DCX: variants seen among roughly 807,000 people sequenced by gnomAD.
DCX encodes neuronal migration protein doublecortin.
Under a neutral mutation model 20.9 loss-of-function variants are expected in DCX, and 4 were observed. The ratio of observed to expected loss-of-function variants is 0.19; its 90% CI spans 0.09 to 0.44. The LOEUF (loss-of-function observed/expected upper bound fraction) is 0.44, where lower values mean the gene tolerates loss of function less well. DCX is among the 20% of genes least tolerant of loss of function. The pLI is 0.99. For missense variants in DCX, 133 were observed against 296.9 expected (o/e 0.45, Z 4.06); for synonymous variants, 103 against 111.4 (o/e 0.92, Z 0.47).
intron 3 of DCX, among the ~76,000 whole-genome samples, chrX:111,334,415 A>G (rs1040812922): frequency 5.4e-5 from 6 of 111,632 alleles, no homozygotes; most frequent in Admixed American, 2.9e-4. Flanking sequence ...TCTTCGGCCC[A>G]CTTGTCCTTC....
At chrX:111,340,549 C>A (rs1332006485) in intron 3 of DCX, among the ~76,000 whole-genome samples, 1 of 111,606 alleles carries the variant, frequency 9.0e-6, no homozygotes, top group Non-Finnish European at 1.9e-5. Context: ...GGGTCCTGTT[C>A]CCCATGCCAC....
At position 111,333,058 on chromosome X, in the gene DCX, A is replaced by T; in HGVS notation, c.801T>A (p.Asp267Glu). The T allele has an allele frequency of 8.3e-7, 1 of 1,201,751 alleles. No homozygotes were observed. Among genetic ancestry groups the T allele is most frequent in the Non-Finnish European group, 1.1e-6 (1 of 886,448 alleles). ...FRYAQDDFSL[D>E]ENECRVMKGN... ...CCCAGTGGTTATGCTTACCATTTTC[A>T]TCCAGAGAAAAATCATCCTGAGCAT... is the stretch of plus-strand genomic sequence containing the variant. The change falls in exon 4 of 7, where the codon GAT (aspartate) becomes GAA (glutamate). Residue 267 changes from aspartate to glutamate, a missense_variant. Physicochemically the swap from Asp to Glu is conservative, Grantham distance 45. Around this residue, in one of 2 missense-constraint regions of DCX, gnomAD observed 68 missense variants for 84.3 expected, o/e 0.81. Coordinates refer to ENST00000636035, the MANE Select transcript of DCX (RefSeq NM_001195553.2).
intron 3 of DCX, among the ~76,000 whole-genome samples, chrX:111,384,648 T>C (rs924653493): frequency 8.9e-6 from 1 of 111,962 alleles, no homozygotes; most frequent in Admixed American, 9.5e-5. Flanking sequence ...CAGCTATTAA[T>C]GGAACCTACT....
intron 3 of DCX, among the ~76,000 whole-genome samples, chrX:111,385,771 A>AGGAGGGAG (rs1238643653): frequency 1.3e-5 from 1 of 77,753 alleles, no homozygotes; most frequent in African/African-American, 4.8e-5. Flanking sequence ...GAGGGAGGGA[A>AGGAGGGAG]GGAGGGAGGG....
At chrX:111,316,086 T>TAAAAA (rs754058802) in intron 5 of DCX, among the ~76,000 whole-genome samples, 29 of 50,626 alleles carry the variant, frequency 5.7e-4, no homozygotes, top group African/African-American at 1.1e-3. Flanking sequence ...TAATAAAAAA[T>TAAAAA]AAAAAAAAAA....
intron 3 of DCX, 88 bp from the exon 4 acceptor site, chrX:111,333,241 T>A (rs1921426669): frequency 2.9e-6 from 2 of 691,862 alleles, no homozygotes; most frequent in Non-Finnish European, 4.6e-6. Flanking sequence ...AAGCTTCCCA[T>A]CTAGGCCATC....
chrX:111,397,112 T>G (rs1219502476), intron 3 of DCX, among the ~76,000 whole-genome samples: 1 of 111,617 alleles, frequency 9.0e-6, no homozygotes, highest in East Asian at 2.8e-4. Flanking sequence ...TGTGAGCCAA[T>G]CAGTCAAATG....
chrX:111,308,966 C>CT (rs2095051634), intron 6 of DCX, among the ~76,000 whole-genome samples: 1 of 109,885 alleles, frequency 9.1e-6, no homozygotes, highest in African/African-American at 3.3e-5. Flanking sequence ...CTCTGTACCT[C>CT]TTTTTTTCTC....
chrX:111,319,925 T>C (rs1404264911), intron 5 of DCX, among the ~76,000 whole-genome samples: 3 of 112,420 alleles, frequency 2.7e-5, no homozygotes, highest in Non-Finnish European at 5.6e-5. Context: ...CGTTTATATA[T>C]GTTCCCAATT....
chrX:111,404,061 A>AAATAAAAT (rs1266517883), intron 2 of DCX, among the ~76,000 whole-genome samples: 2 of 105,113 alleles, frequency 1.9e-5, no homozygotes, highest in African/African-American at 6.9e-5. Context: ...AAATAAAATA[A>AAATAAAAT]AATAAAATAA....
intron 3 of DCX, among the ~76,000 whole-genome samples, chrX:111,374,460 G>C (rs1452267284): frequency 1.8e-5 from 2 of 111,409 alleles, no homozygotes; most frequent in African/African-American, 6.5e-5. Flanking sequence ...TTGTAAAATT[G>C]TATACTCACA....
intron 3 of DCX, among the ~76,000 whole-genome samples, chrX:111,390,788 C>T (rs1188733327): frequency 9.1e-6 from 1 of 110,459 alleles, no homozygotes; most frequent in Non-Finnish European, 1.9e-5. Flanking sequence ...CACTTGAGCT[C>T]AGGAGTTTGA....
chrX:111,382,347 C>G (rs1202540940), intron 3 of DCX, among the ~76,000 whole-genome samples: 2 of 112,085 alleles, frequency 1.8e-5, no homozygotes, highest in Non-Finnish European at 3.8e-5. Context: ...TTTCAAATTT[C>G]TAGATTTCCA....
intron 6 of DCX, among the ~76,000 whole-genome samples, chrX:111,306,538 C>T (rs1323627532): frequency 9.0e-6 from 1 of 111,146 alleles, no homozygotes; most frequent in Non-Finnish European, 1.9e-5. Context: ...AGAAGACCAA[C>T]AAGTAAATAG....
At chrX:111,396,843 G>A (rs1927357670) in intron 3 of DCX, among the ~76,000 whole-genome samples, 1 of 111,278 alleles carries the variant, frequency 9.0e-6, no homozygotes, top group South Asian at 3.8e-4. Context: ...AGTAGCCAGA[G>A]CCCTACCAAC....
chrX:111,343,769 G>T (rs1321974284), intron 3 of DCX, among the ~76,000 whole-genome samples: 1 of 111,533 alleles, frequency 9.0e-6, no homozygotes, highest in Admixed American at 9.5e-5. Context: ...ATCACCTGAG[G>T]TCAGGAGTTT....
rs1287157528 is a variant in DCX at position 111,296,593 on chromosome X, A to T, written c.*5094T>A. On this transcript the variant is annotated 3_prime_UTR_variant, in exon 7 of 7. Coordinates refer to ENST00000636035, the MANE Select transcript of DCX (RefSeq NM_001195553.2). ...CATGGTGAAACCCCATCTCTACTAA[A>T]AATAATAATAATAAAAAAATAGCCA... 9.1e-6 allele frequency: 1 copy of T among 109,382 alleles called. No individual in the cohort carries two copies. Among genetic ancestry groups the T allele is most frequent in the Non-Finnish European group, 1.9e-5 (1 of 52,642 alleles). The allele number at this position is 109,382 out of a possible 1,213,427, so 9.0% of individuals were successfully genotyped here.
intron 2 of DCX, among the ~76,000 whole-genome samples, chrX:111,402,782 G>GGTGT (rs200058275): frequency 1.0e-3 from 98 of 96,864 alleles, no homozygotes; most frequent in African/African-American, 3.7e-3. Context: ...GTGTGTGCGT[G>GGTGT]GTGTGTGTGT....
chrX:111,410,241 T>C lies in DCX; in HGVS notation c.158A>G (p.Lys53Arg), dbSNP rs1928591548. The C allele has an allele frequency of 4.1e-6, 5 of 1,211,638 alleles. No individual in the cohort carries two copies. The South Asian group carries it at 8.8e-5, about 21-fold the overall frequency. ...LQALSNEKKAKKVRFYRNGDR... is the reference protein window; with the variant it reads ...LQALSNEKKARKVRFYRNGDR... ...CCCATTGCGGTAGAAACGTACCTTC[T>C]TGGCTTTCTTCTCATTACTCAGTGC... Residue 53 changes from lysine (K) to arginine (R), a missense_variant, in exon 2 of 7, where the codon AAG (lysine) becomes AGG (arginine). Lys to Arg is a conservative substitution (Grantham distance 26). Around this residue, in one of 2 missense-constraint regions of DCX, gnomAD observed 65 missense variants for 212.6 expected, o/e 0.31. Coordinates refer to ENST00000636035, the MANE Select transcript of DCX (RefSeq NM_001195553.2).
Sources: gnomAD v4.1 joint callset for allele counts (sites outside exome capture counted in the v4.1 genomes callset) on GRCh38, gnomAD v4.1.1 for gene constraint, gnomAD v4.1.1 regional missense constraint, MANE v1.5 for transcripts, NCBI Gene and HGNC (gene_info 2026-07-23, HGNC 2026-07-21) for gene names.